The following MICAL2 variants were observed in gnomAD, a reference collection of about 807,000 sequenced individuals.
The protein encoded by MICAL2 is [F-actin]-monooxygenase MICAL2.
Under a neutral mutation model 127.3 loss-of-function variants are expected in MICAL2, and 77 were observed. That is an observed-to-expected ratio of 0.60 (90% CI 0.50 to 0.73). MICAL2 has a LOEUF of 0.73. Among genes scored for constraint, MICAL2 ranks in the 30% least tolerant of loss-of-function variants. The pLI is 0.00. For synonymous variants in MICAL2, 570 were observed against 551.1 expected, an observed-to-expected ratio of 1.03 and a Z score of -0.48; for missense variants, 1,351 against 1,434.4, an observed-to-expected ratio of 0.94 and a Z score of 0.94.
At chr11:12,182,268 G>T (rs1037487804) in intron 3 of MICAL2, among the ~76,000 whole-genome samples, 1 of 152,158 alleles carries the variant, frequency 6.6e-6, no homozygotes, top group African/African-American at 2.4e-5. Context: ...CCCCTGTTCT[G>T]ATGCCATAGA....
At chr11:12,228,295 A>G (rs1274121973) in intron 15 of MICAL2, among the ~76,000 whole-genome samples, 1 of 152,118 alleles carries the variant, frequency 6.6e-6, no homozygotes, top group Non-Finnish European at 1.5e-5. Flanking sequence ...GCACCATTGC[A>G]CTCCAGCCTG....
chr11:12,155,896 C>T (rs1471660764), intron 2 of MICAL2, among the ~76,000 whole-genome samples: 1 of 152,210 alleles, frequency 6.6e-6, no homozygotes, highest in Non-Finnish European at 1.5e-5. Flanking sequence ...GGAGGGTGGG[C>T]ACTGCCTCAT....
intron 29 of MICAL2, among the ~76,000 whole-genome samples, chr11:12,299,978 C>T (rs2134801815): frequency 6.6e-6 from 1 of 152,226 alleles, no homozygotes; most frequent in Non-Finnish European, 1.5e-5. Flanking sequence ...CTTCCTGCTC[C>T]CTAGCGTGCT....
chr11:12,358,428 G>A (rs986965639), exon 35 of MICAL2: 1 of 1,614,168 alleles, frequency 6.2e-7, no homozygotes, highest in Non-Finnish European at 8.5e-7. Context: ...CCGAGGACCA[G>A]CACTTTGAAA....
At chr11:12,295,979 A>G (rs561821442), downstream of MICAL2, among the ~76,000 whole-genome samples, 2 of 152,308 alleles carry the variant, frequency 1.3e-5, no homozygotes, top group Admixed American at 1.3e-4. Flanking sequence ...ATGAAAATGT[A>G]GGCTTTTTAA....
chr11:12,257,077 C>A, intron 24 of MICAL2, 106 bp downstream of exon 24: 2 of 1,201,990 alleles, frequency 1.7e-6, no homozygotes, highest in Non-Finnish European at 2.3e-6. Flanking sequence ...CAAACATACC[C>A]AAAAGGAAGT....
intron 3 of MICAL2, among the ~76,000 whole-genome samples, chr11:12,170,465 A>T (rs1856105528): frequency 6.6e-6 from 1 of 152,178 alleles, no homozygotes; most frequent in African/African-American, 2.4e-5. Context: ...ATAAAAATAA[A>T]AAAGTTTGCT....
At chr11:12,280,803 C>G (rs1162918741) in intron 1 of MICAL2, 1 of 397,322 alleles carries the variant, frequency 2.5e-6, no homozygotes, top group African/African-American at 2.1e-5. Flanking sequence ...AAGCTGGGCT[C>G]TGGGCACACA....
chr11:12,184,467 C>A (rs1857904326), intron 3 of MICAL2, among the ~76,000 whole-genome samples: 1 of 152,198 alleles, frequency 6.6e-6, no homozygotes, highest in Non-Finnish European at 1.5e-5. Context: ...CTCTGAAATT[C>A]CAGCCCGGGA....
chr11:12,337,110 A>G (rs2134873310), intron 32 of MICAL2, among the ~76,000 whole-genome samples: 1 of 152,226 alleles, frequency 6.6e-6, no homozygotes, highest in Non-Finnish European at 1.5e-5. Context: ...GTAAGCTATT[A>G]ATTATTGCCT....
intron 32 of MICAL2, among the ~76,000 whole-genome samples, chr11:12,346,426 A>C (rs1473033615): frequency 1.3e-5 from 2 of 152,346 alleles, no homozygotes; most frequent in Non-Finnish European, 2.9e-5. Context: ...AATGGGAAGT[A>C]GAGGAGTGGC....
chr11:12,300,225 C>T (rs1864032095), intron 29 of MICAL2, among the ~76,000 whole-genome samples: 1 of 152,060 alleles, frequency 6.6e-6, no homozygotes, highest in African/African-American at 2.4e-5. Context: ...ACCCAGGAGG[C>T]ACAGTTTGCA....
chr11:12,222,576 G>A, intron 10 of MICAL2, 41 bp from the exon 11 acceptor site: 1 of 1,613,364 alleles, frequency 6.2e-7, no homozygotes. Flanking sequence ...GCCTGAGGTG[G>A]CAAAAGTGAT....
chr11:12,190,405 G>T (rs557845845), intron 3 of MICAL2, among the ~76,000 whole-genome samples: 2 of 152,208 alleles, frequency 1.3e-5, no homozygotes, highest in East Asian at 3.9e-4. Flanking sequence ...CTTTTCTCTT[G>T]GGAAACTTGA....
At chr11:12,158,020 TAGTTTTAA>T (rs1229705966) in intron 2 of MICAL2, among the ~76,000 whole-genome samples, 1 of 152,198 alleles carries the variant, frequency 6.6e-6, no homozygotes, top group East Asian at 1.9e-4. Context: ...CCTTGTCCTC[TAGTTTTAA>T]AGTATACAGG....
At chr11:12,184,421 GC>G (rs1411592687) in intron 3 of MICAL2, among the ~76,000 whole-genome samples, 65 of 152,276 alleles carry the variant, frequency 4.3e-4, no homozygotes, top group Admixed American at 1.0e-3. Flanking sequence ...CAGCATACCT[GC>G]CCACAGAGGC....
At chr11:12,189,479 A>G (rs1009426984) in intron 3 of MICAL2, among the ~76,000 whole-genome samples, 2 of 152,198 alleles carry the variant, frequency 1.3e-5, no homozygotes, top group African/African-American at 2.4e-5. Flanking sequence ...CCGTTGGTAC[A>G]TGGGTAGGAT....
At chr11:12,113,128 C>CA (rs554394365) in intron 1 of MICAL2, among the ~76,000 whole-genome samples, 64 of 152,312 alleles carry the variant, frequency 4.2e-4, no homozygotes, top group African/African-American at 1.5e-3. Context: ...TTTAAAGAGT[C>CA]AGAGAAGAGA....
intron 29 of MICAL2, among the ~76,000 whole-genome samples, chr11:12,316,897 A>T (rs1004474843): frequency 2.6e-5 from 4 of 152,146 alleles, no homozygotes; most frequent in Non-Finnish European, 5.9e-5. Context: ...TCTAGGGCTA[A>T]TTCATTCCCC....
Sources: allele counts gnomAD v4.1 joint callset (sites outside exome capture counted in the v4.1 genomes callset), GRCh38; gene constraint gnomAD v4.1.1; transcripts MANE v1.5; gene names NCBI Gene and HGNC (gene_info 2026-07-23, HGNC 2026-07-21).